The following CCND3 variants were observed in gnomAD, a reference collection of about 807,000 sequenced individuals.
CCND3 encodes cyclin D3.
In CCND3, 9 loss-of-function variants were observed where a neutral mutation model predicts 28.7. The observed-to-expected ratio is 0.31, with a 90% CI of 0.19 to 0.55. The LOEUF (loss-of-function observed/expected upper bound fraction) is 0.55, where lower values mean the gene tolerates loss of function less well. CCND3 is among the 20% of genes least tolerant of loss of function. The pLI is 0.93. For missense variants in CCND3, 315 were observed against 385.8 expected (o/e 0.82, Z 1.54); for synonymous variants, 164 against 163.9 (o/e 1.00, Z 0.00).
chr6:42,025,024 C>T (rs959261011), intron 1 of CCND3, among the ~76,000 whole-genome samples: 11 of 152,264 alleles, frequency 7.2e-5, no homozygotes, highest in Admixed American at 2.0e-4. Flanking sequence ...TGCCACTGCA[C>T]TCCAGCTTGG....
chr6:41,947,402 C>G (rs1776197591), intron 1 of CCND3, among the ~76,000 whole-genome samples: 1 of 152,124 alleles, frequency 6.6e-6, no homozygotes, highest in Non-Finnish European at 1.5e-5. Context: ...CAGTTAAACT[C>G]AATTTCTCCA....
chr6:41,937,112 T>C, intron 3 of CCND3, 123 bp downstream of exon 3: 1 of 1,060,396 alleles, frequency 9.4e-7, no homozygotes, highest in South Asian at 1.3e-5. Flanking sequence ...GACTGGGGGC[T>C]CAGAGGGGGT....
chr6:42,024,142 A>G (rs1455506879), intron 1 of CCND3, among the ~76,000 whole-genome samples: 6 of 151,980 alleles, frequency 3.9e-5, no homozygotes, highest in African/African-American at 1.5e-4. Context: ...GGTGGCTCAC[A>G]CCTGTAATCC....
In CCND3 at chr6:41,936,548, C is replaced by G. The variant is rs1321748323; in HGVS notation, c.711+11G>C. 6.2e-7 allele frequency: 1 copy of G among 1,613,814 alleles called. No homozygotes were observed. Among genetic ancestry groups the G allele is most frequent in the Non-Finnish European group, 8.5e-7 (1 of 1,179,916 alleles). On this transcript the variant is annotated intron_variant, in intron 4 of 4. Coordinates refer to ENST00000372991, the MANE Select transcript of CCND3 (RefSeq NM_001760.5). This position sits in a 1 kb window ranked among gnomAD's most constrained non-coding sequence, Gnocchi z 4.4. ...AATGGAGAGGCTGCTGCCCAGCTAC[C>G]CAGCACTCACCACTTCAGTGCCAGT...
intron 1 of CCND3, among the ~76,000 whole-genome samples, chr6:41,949,954 A>T (rs1582098421): frequency 6.6e-6 from 1 of 151,094 alleles, no homozygotes; most frequent in South Asian, 2.1e-4. Context: ...AAAAAAAAAA[A>T]TAGCCAGGTG....
At chr6:41,958,971 T>A (rs901518386) in intron 1 of CCND3, among the ~76,000 whole-genome samples, 1 of 152,212 alleles carries the variant, frequency 6.6e-6, no homozygotes, top group African/African-American at 2.4e-5. Context: ...CTTCTAGGTA[T>A]ACACCATGAA....
At chr6:41,964,045 T>C (rs12110857) in intron 1 of CCND3, among the ~76,000 whole-genome samples, 2,603 of 152,250 alleles carry the variant, frequency 0.017, 69 homozygotes, top group African/African-American at 0.058. Flanking sequence ...TAAATATTAG[T>C]AGAATGGATG....
At position 41,955,388 on chromosome 6, in the gene CCND3, TTTA is replaced by T. The variant is rs1260563500; in HGVS notation, c.-45-14806_-45-14804del. Reference sequence around the variant, plus strand: ...ACTGTATACCAAAGTGCATGGTTAGTTTATTATTTTGAAAAAAAACCAATATAA... The same window carrying T: ...ACTGTATACCAAAGTGCATGGTTAGTTTATTTTGAAAAAAAACCAATATAA... On this transcript the variant is annotated intron_variant, in intron 1 of 4. Transcript: ENST00000372988. Among the ~76,000 whole-genome samples the T allele has an allele frequency of 3.3e-5, 5 of 152,104 alleles. No homozygotes were observed. In the East Asian group the frequency reaches 9.6e-4, roughly 29 times the overall value.
intron 1 of CCND3, among the ~76,000 whole-genome samples, chr6:42,021,954 GCAGCCA>G (rs1231557968): frequency 1.3e-5 from 2 of 152,190 alleles, no homozygotes; most frequent in Non-Finnish European, 2.9e-5. Context: ...AAGGAGGCTG[GCAGCCA>G]CAGGGAAGAG....
chr6:41,977,516 G>T lies in CCND3; in HGVS notation c.-45-36931C>A, dbSNP rs560279883. Among the ~76,000 whole-genome samples, 38 of 152,170 alleles carry T rather than the reference G, an allele frequency of 2.5e-4. 1 individual carries two copies. The highest frequency in any genetic ancestry group is 9.2e-4 in the African/African-American group (38 of 41,514). ...AAAGTAGCTGGGATTACAGGCACCT[G>T]CCACGATGCCCAGCTAATTTTTGTA... On this transcript the variant is annotated intron_variant, in intron 1 of 4. Coordinates refer to the CCND3 transcript ENST00000372988.
intron 1 of CCND3, among the ~76,000 whole-genome samples, chr6:42,012,816 A>AC (rs1763379265): frequency 6.6e-6 from 1 of 152,202 alleles, no homozygotes; most frequent in South Asian, 2.1e-4. Flanking sequence ...ATATAAATTG[A>AC]TCCAAGCTTC....
rs773367413 is a variant in CCND3, at chr6:42,048,731, G to A, written c.-276C>T. On this transcript the variant is annotated 5_prime_UTR_variant, in exon 1 of 5. Coordinates refer to the CCND3 transcript ENST00000372988. This position sits in a 1 kb window ranked among gnomAD's most constrained non-coding sequence, Gnocchi z 4.7. ...CCGCCGATCCAGAGCTGGGCAGGAA[G>A]TGGGGAAGAGGGGGCGGAGGAGACA... The A allele has an allele frequency of 6.0e-6, 3 of 503,898 alleles. No individual in the cohort carries two copies. The highest frequency in any genetic ancestry group is 1.1e-4 in the East Asian group (2 of 17,546). 31.2% of individuals were successfully genotyped at this position (503,898 alleles called of 1,614,324 possible). A position where few individuals can be genotyped will look rare whatever the true frequency, so the allele number is the denominator to read the frequency against.
chr6:42,045,778 G>A (rs1030794685), intron 1 of CCND3, among the ~76,000 whole-genome samples: 5 of 152,226 alleles, frequency 3.3e-5, no homozygotes, highest in Non-Finnish European at 7.3e-5. Flanking sequence ...TGCTCAGCAG[G>A]GAAAGGGAAA....
intron 1 of CCND3, among the ~76,000 whole-genome samples, chr6:42,013,945 G>A (rs369892314): frequency 3.3e-5 from 5 of 151,996 alleles, no homozygotes; most frequent in African/African-American, 4.8e-5. Flanking sequence ...GGTGGTGTGC[G>A]CCTGTAGTCC....
chr6:42,042,274 T>C (rs2127441375), intron 1 of CCND3, among the ~76,000 whole-genome samples: 1 of 152,148 alleles, frequency 6.6e-6, no homozygotes, highest in South Asian at 2.1e-4. Flanking sequence ...ACAGCAGCTA[T>C]CACTCAAAGG....
rs1388332820 is a variant in CCND3, at chr6:41,936,312, AC to A, written c.712-206del. 6.1e-6 allele frequency: 4 copies of A among 652,348 alleles called. No individual in the cohort carries two copies. Among genetic ancestry groups the A allele is most frequent in the Admixed American group, 3.0e-5 (1 of 33,328 alleles). 40.4% of individuals were successfully genotyped at this position (652,348 alleles called of 1,614,324 possible). A position where few individuals can be genotyped will look rare whatever the true frequency, so the allele number is the denominator to read the frequency against. ...AGAGCAGCCCTGCATCTGACACCAA[AC>A]CCCCCACCCCCACTCCAGCACACCA... is the stretch of plus-strand genomic sequence containing the variant. On this transcript the variant is annotated intron_variant, in intron 4 of 4. Coordinates refer to ENST00000372991, the MANE Select transcript of CCND3 (RefSeq NM_001760.5). This position sits in a 1 kb window ranked among gnomAD's most constrained non-coding sequence, Gnocchi z 4.4.
At chr6:42,019,866 G>A (rs1332507312) in intron 1 of CCND3, among the ~76,000 whole-genome samples, 2 of 152,084 alleles carry the variant, frequency 1.3e-5, no homozygotes, top group Non-Finnish European at 2.9e-5. Flanking sequence ...AAGACTAGAA[G>A]GAAATCACAA....
At chr6:41,994,759 T>C (rs1053995011) in intron 1 of CCND3, among the ~76,000 whole-genome samples, 8 of 152,058 alleles carry the variant, frequency 5.3e-5, no homozygotes, top group Admixed American at 1.3e-4. Context: ...AATTTTGCTG[T>C]GAACCAAATC....
chr6:41,955,206 C>A (rs749691596), intron 1 of CCND3, among the ~76,000 whole-genome samples: 1 of 152,188 alleles, frequency 6.6e-6, no homozygotes, highest in African/African-American at 2.4e-5. Context: ...GAGAGGTTCA[C>A]TTCAAATCAT....
Sources: gnomAD v4.1 joint callset for allele counts (sites outside exome capture counted in the v4.1 genomes callset) on GRCh38, gnomAD v4.1.1 for gene constraint, Gnocchi (gnomAD v3.1) non-coding constraint, MANE v1.5 for transcripts, NCBI Gene and HGNC (gene_info 2026-07-23, HGNC 2026-07-21) for gene names.